Variants in SNRK observed in about 807,000 individuals in gnomAD.
The protein encoded by SNRK is SNF related kinase.
SNRK carries 3 observed loss-of-function variants against 48.2 expected under a neutral mutation model. That is an observed-to-expected ratio of 0.06 (90% CI 0.03 to 0.16). The LOEUF (loss-of-function observed/expected upper bound fraction) is 0.16. SNRK is among the 10% of genes least tolerant of loss of function. The pLI is 1.00. For synonymous variants in SNRK, 376 were observed against 366.1 expected (o/e 1.03, Z -0.31); for missense variants, 627 against 976.0 (o/e 0.64, Z 4.76).
chr3:43,290,502 A>G (rs76923292), intron 1 of SNRK, among the ~76,000 whole-genome samples: 4,798 of 152,262 alleles, frequency 0.032, 250 homozygotes, highest in African/African-American at 0.11. Flanking sequence ...CCTCCTGTGC[A>G]TTGAGTTCTT....
intron 1 of SNRK, among the ~76,000 whole-genome samples, chr3:43,292,694 T>C (rs1194867887): frequency 6.6e-6 from 1 of 152,210 alleles, no homozygotes; most frequent in Non-Finnish European, 1.5e-5. Flanking sequence ...TTTACCCCAC[T>C]TTCAGGAATG....
chr3:43,321,282 A>G (rs1227227810), intron 3 of SNRK, among the ~76,000 whole-genome samples: 3 of 152,136 alleles, frequency 2.0e-5, no homozygotes, highest in Non-Finnish European at 4.4e-5. Context: ...AGCTTTTCTT[A>G]TGGTAAGGAG....
At chr3:43,293,915 T>A (rs115349136) in intron 1 of SNRK, among the ~76,000 whole-genome samples, 125 of 150,660 alleles carry the variant, frequency 8.3e-4, no homozygotes, top group African/African-American at 3.0e-3. Context: ...TGAGGCTCTG[T>A]CTCAAGAAAA....
intron 6 of SNRK, among the ~76,000 whole-genome samples, chr3:43,345,668 A>C (rs1024070230): frequency 6.6e-6 from 1 of 152,182 alleles, no homozygotes; most frequent in Non-Finnish European, 1.5e-5. Flanking sequence ...CCACTAGAGA[A>C]TGAAGTCCCA....
chr3:43,336,205 T>C (rs186356152), intron 4 of SNRK, among the ~76,000 whole-genome samples: 1 of 151,736 alleles, frequency 6.6e-6, no homozygotes, highest in Non-Finnish European at 1.5e-5. Flanking sequence ...TTTTCTTTCT[T>C]TCTTCCCTCC....
chr3:43,314,497 A>T, intron 3 of SNRK, among the ~76,000 whole-genome samples: 1 of 152,188 alleles, frequency 6.6e-6, no homozygotes, highest in East Asian at 1.9e-4. Flanking sequence ...TCAAGCCAAG[A>T]GTTGTACTTA....
Position 43,340,271 on chromosome 3 carries a change from T to G in SNRK, c.732-16T>G. The stretch of plus-strand genomic sequence containing the variant: ...CAAGCAGTTTGCTTTAACAATGGAC[T>G]TACCTTCCTTTCCAGCCTAATCACA... On this transcript the variant is annotated splice_polypyrimidine_tract_variant and intron_variant, in intron 4 of 6. Coordinates refer to ENST00000296088, the MANE Select transcript of SNRK (RefSeq NM_017719.5). The G allele has an allele frequency of 6.2e-7, 1 of 1,608,002 alleles. No individual in the cohort carries two copies. Among genetic ancestry groups the G allele is most frequent in the East Asian group, 2.2e-5 (1 of 44,836 alleles).
At chr3:43,293,695 A>C (rs1465163371) in intron 1 of SNRK, among the ~76,000 whole-genome samples, 1 of 152,114 alleles carries the variant, frequency 6.6e-6, no homozygotes, top group Admixed American at 6.6e-5. Context: ...CAGGTGAATC[A>C]CTTGAGGTCA....
intron 6 of SNRK, among the ~76,000 whole-genome samples, chr3:43,343,927 C>T (rs911482382): frequency 1.3e-5 from 2 of 152,092 alleles, no homozygotes; most frequent in African/African-American, 4.8e-5. Flanking sequence ...CTCAGGATTT[C>T]CGGGATTGGA....
In SNRK at chr3:43,349,760, A is replaced by AATC. The variant is rs2091308816; in HGVS notation, c.*1207_*1209dup. Reference sequence around the variant, plus strand: ...GTACAAAGACTGTTTTTGACCAGATAATCATCTGTTGTGGCATTCTATCTT... The same window carrying AATC: ...GTACAAAGACTGTTTTTGACCAGATAATCATCATCTGTTGTGGCATTCTATCTT... On this transcript the variant is annotated 3_prime_UTR_variant, in exon 7 of 7. Transcript: ENST00000296088. 6.6e-6 allele frequency: 1 copy of AATC among 152,206 alleles called. No homozygotes were observed. Among genetic ancestry groups the AATC allele is most frequent in the Admixed American group, 6.5e-5 (1 of 15,274 alleles). The allele number at this position is 152,206 out of a possible 1,614,324, so 9.4% of individuals were successfully genotyped here.
At chr3:43,338,254 ATTTG>A (rs1275661686) in intron 4 of SNRK, among the ~76,000 whole-genome samples, 3 of 152,216 alleles carry the variant, frequency 2.0e-5, no homozygotes, top group Non-Finnish European at 4.4e-5. Flanking sequence ...ATTGTTTAGA[ATTTG>A]TTTGGATGAG....
At chr3:43,340,825 T>C (rs2091230121) in intron 5 of SNRK, 1 of 279,998 alleles carries the variant, frequency 3.6e-6, no homozygotes, top group Non-Finnish European at 6.8e-6. Context: ...TTCTCATTCC[T>C]CTGTCTCCTG....
At chr3:43,287,891 T>C (rs1041368406) in intron 1 of SNRK, among the ~76,000 whole-genome samples, 2 of 152,246 alleles carry the variant, frequency 1.3e-5, no homozygotes, top group Non-Finnish European at 2.9e-5. Context: ...AATAATTCCC[T>C]TAAGGAAATC....
chr3:43,336,533 T>A (rs1307744536), intron 4 of SNRK, among the ~76,000 whole-genome samples: 1 of 152,120 alleles, frequency 6.6e-6, no homozygotes, highest in African/African-American at 2.4e-5. Flanking sequence ...GGTCTCACTA[T>A]GTTGCCCAGA....
At chr3:43,334,143 C>G (rs2091169186) in intron 4 of SNRK, among the ~76,000 whole-genome samples, 1 of 151,862 alleles carries the variant, frequency 6.6e-6, no homozygotes, top group South Asian at 2.1e-4. Flanking sequence ...GAGACTCTGT[C>G]TCAAAAAACT....
At chr3:43,295,058 AGAAAT>A (rs1221436208) in intron 1 of SNRK, among the ~76,000 whole-genome samples, 22 of 152,336 alleles carry the variant, frequency 1.4e-4, no homozygotes, top group African/African-American at 5.3e-4. Flanking sequence ...ACACGTAGGC[AGAAAT>A]GATGACATGC....
chr3:43,331,912 T>C (rs889151101), intron 3 of SNRK, among the ~76,000 whole-genome samples: 1 of 152,350 alleles, frequency 6.6e-6, no homozygotes, highest in East Asian at 1.9e-4. Flanking sequence ...ATTATTGCTC[T>C]GTTACCAAAG....
intron 3 of SNRK, among the ~76,000 whole-genome samples, chr3:43,304,573 T>C (rs2090922710): frequency 6.6e-6 from 1 of 152,192 alleles, no homozygotes; most frequent in African/African-American, 2.4e-5. Flanking sequence ...ATTGTATTTG[T>C]TTTGAAGATC....
chr3:43,317,301 C>G (rs1317641930), intron 3 of SNRK, among the ~76,000 whole-genome samples: 3 of 152,062 alleles, frequency 2.0e-5, no homozygotes, highest in Non-Finnish European at 4.4e-5. Context: ...TACCACAGTT[C>G]TCTGATGTGG....
Sources: allele counts gnomAD v4.1 joint callset (sites outside exome capture counted in the v4.1 genomes callset), GRCh38; gene constraint gnomAD v4.1.1; transcripts MANE v1.5; gene names NCBI Gene and HGNC (gene_info 2026-07-23, HGNC 2026-07-21).